Variants in EPS8L2 observed in about 807,000 individuals in gnomAD.
EPS8L2 encodes epidermal growth factor receptor kinase substrate 8-like protein 2.
Under a neutral mutation model 99.4 loss-of-function variants are expected in EPS8L2, and 81 were observed. The ratio of observed to expected loss-of-function variants is 0.82; its 90% CI spans 0.68 to 0.98. The LOEUF is 0.98. Among genes scored for constraint, EPS8L2 ranks in the 50% least tolerant of loss-of-function variants. The pLI is 0.00. For missense variants in EPS8L2, 1,155 were observed against 968.8 expected, an observed-to-expected ratio of 1.19 and a Z score of -2.55; for synonymous variants, 509 against 407.3, an observed-to-expected ratio of 1.25 and a Z score of -3.01.
At chr11:726,243 C>A in intron 18 of EPS8L2, 61 bp from the exon 19 acceptor site, 2 of 1,566,146 alleles carry the variant, frequency 1.3e-6, no homozygotes, top group Non-Finnish European at 1.7e-6. Flanking sequence ...GGGGGGGTCC[C>A]TGGGCCGGGG....
chr11:720,576 G>T, intron 5 of EPS8L2, 21 bp from the exon 6 acceptor site: 1 of 1,590,266 alleles, frequency 6.3e-7, no homozygotes, highest in Non-Finnish European at 8.5e-7. Flanking sequence ...TGCGAGTCGT[G>T]TCCGCGCGAT....
intron 4 of EPS8L2, among the ~76,000 whole-genome samples, chr11:715,388 A>G (rs1427414620): frequency 2.6e-5 from 4 of 152,108 alleles, no homozygotes; most frequent in Non-Finnish European, 5.9e-5. Flanking sequence ...TAAGATCTGT[A>G]GTGATGCCCC....
intron 20 of EPS8L2, 29 bp downstream of exon 20, chr11:726,780 C>CCCCTCCTGCCCCTGCG: frequency 6.3e-7 from 1 of 1,579,120 alleles, no homozygotes; most frequent in Non-Finnish European, 8.6e-7. Flanking sequence ...CGGCGCCACG[C>CCCCTCCTGCCCCTGCG]CCCTCCTGCC....
chr11:725,847 G>C lies in EPS8L2; in HGVS notation c.1680G>C (p.Gln560His). The C allele has an allele frequency of 1.3e-5, 18 of 1,387,632 alleles. No individual in the cohort carries two copies. The highest frequency in any genetic ancestry group is 1.7e-5 in the Non-Finnish European group (18 of 1,077,640). The allele number at this position is 1,387,632 out of a possible 1,614,324, so 86.0% of individuals were successfully genotyped here. ...RPEDAGAPFE[Q>H]AGQKYWGPAS... ...AGGACGCCGGCGCCCCGTTCGAGCAGGTGAGCCCGCGGGGGTCCCTGGGGT... is the reference window on the plus strand; with the variant it reads ...AGGACGCCGGCGCCCCGTTCGAGCACGTGAGCCCGCGGGGGTCCCTGGGGT... The change falls in exon 17 of 21, where the codon CAG becomes CAC. Residue 560 changes from glutamine to histidine, a missense_variant and splice_region_variant. Coordinates refer to ENST00000318562, the MANE Select transcript of EPS8L2 (RefSeq NM_022772.4).
At position 722,052 on chromosome 11, in the gene EPS8L2, G is replaced by A. The variant is rs190090183; in HGVS notation, c.985-39G>A. The A allele has an allele frequency of 1.1e-3, 1,779 of 1,607,380 alleles. 33 individuals are homozygous for A. In the East Asian group the frequency reaches 0.035, roughly 31 times the overall value. ...GTGCTGAGGGGAGGGTGGAGGCCCC[G>A]CCCCGCCCCGGCACCTGCTCACTTG... On this transcript the variant is annotated intron_variant, in intron 11 of 20. Coordinates refer to ENST00000318562, the MANE Select transcript of EPS8L2 (RefSeq NM_022772.4).
chr11:709,298 G>A (rs565591156), intron 1 of EPS8L2, 32 bp from the exon 2 acceptor site: 2 of 1,306,434 alleles, frequency 1.5e-6, no homozygotes, highest in East Asian at 5.1e-5. Context: ...CAGGCCGGAG[G>A]AAGTGTCAGC....
chr11:718,797 T>G (rs1463937886), intron 4 of EPS8L2, among the ~76,000 whole-genome samples: 1 of 151,434 alleles, frequency 6.6e-6, no homozygotes, highest in Non-Finnish European at 1.5e-5. Flanking sequence ...GCCTCCCGAG[T>G]AGCTGGGACT....
Position 726,450 on chromosome 11 carries a change from C to A in EPS8L2, c.1900C>A (p.Arg634Ser). 7 of 1,583,810 alleles carry A rather than the reference C, an allele frequency of 4.4e-6. No individual in the cohort carries two copies. The highest frequency in any genetic ancestry group is 6.0e-6 in the Non-Finnish European group (7 of 1,166,802). Residue 634 changes from arginine to serine, a missense_variant, in exon 19 of 21, where the codon CGC becomes AGC. Transcript: ENST00000318562. ...LTYESGPDEV[R>S]AWLEAKAFSP... is the part of the protein sequence containing the mutation. ...CTACGAGTCGGGTCCGGACGAGGTC[C>A]GCGCCTGGCTGGAAGCCAAGGCCTT...
chr11:715,178 C>T (rs553902212), intron 4 of EPS8L2, among the ~76,000 whole-genome samples: 1 of 151,594 alleles, frequency 6.6e-6, no homozygotes, highest in East Asian at 1.9e-4. Flanking sequence ...GGAGGCGGAG[C>T]TTGCAGTAAG....
intron 4 of EPS8L2, 90 bp from the exon 5 acceptor site, chr11:719,971 GC>G: frequency 7.4e-7 from 1 of 1,355,662 alleles, no homozygotes; most frequent in East Asian, 2.5e-5. Context: ...GTTGGCTGTG[GC>G]CCCTCAGCCC....
At position 721,149 on chromosome 11, in the gene EPS8L2, G is replaced by A. The variant is rs1204207531; in HGVS notation, c.643G>A (p.Gly215Arg). ...PAPIPFQHRG[G>R]DSPEAKNRVG... ...GCCCATCCCCTTCCAGCACCGCGGC[G>A]GGGATTCCCCGGAGGCCAAGAATCG... Residue 215 changes from glycine (G) to arginine (R), a missense_variant, in exon 8 of 21, where the codon GGG becomes AGG. Gly to Arg is a moderately radical substitution (Grantham distance 125). Coordinates refer to ENST00000318562, the MANE Select transcript of EPS8L2 (RefSeq NM_022772.4). The A allele has an allele frequency of 2.0e-6, 3 of 1,536,024 alleles. No individual in the cohort carries two copies. Among genetic ancestry groups the A allele is most frequent in the South Asian group, 1.2e-5 (1 of 83,664 alleles).
intron 1 of EPS8L2, chr11:709,107 T>G: frequency 3.8e-6 from 2 of 526,610 alleles, no homozygotes; most frequent in East Asian, 3.3e-5. Flanking sequence ...CTCTGGGGGG[T>G]CCCTGTGGAG....
intron 1 of EPS8L2, chr11:708,559 C>T (rs947054088): frequency 6.6e-6 from 1 of 152,292 alleles, no homozygotes; most frequent in Non-Finnish European, 1.5e-5. Context: ...CAGCCCCCAC[C>T]ACACCTGCCC....
At chr11:715,206 C>A (rs977987269) in intron 4 of EPS8L2, among the ~76,000 whole-genome samples, 4 of 151,188 alleles carry the variant, frequency 2.6e-5, no homozygotes, top group Admixed American at 1.3e-4. Flanking sequence ...TGCGCCACTG[C>A]ACTCCAGCCT....
At chr11:720,267 G>A in intron 5 of EPS8L2, 44 bp downstream of exon 5, 1 of 1,596,380 alleles carries the variant, frequency 6.3e-7, no homozygotes, top group Non-Finnish European at 8.5e-7. Flanking sequence ...AGTGGGTAGA[G>A]GCGGTGGCAG....
intron 1 of EPS8L2, 182 bp from the exon 2 acceptor site, chr11:709,148 T>C (rs1013877320): frequency 2.3e-6 from 1 of 428,274 alleles, no homozygotes; most frequent in African/African-American, 3.8e-5. Flanking sequence ...ACGAGGCTGA[T>C]CGACTGTCAA....
At chr11:725,625 G>A (rs1213254084) in intron 16 of EPS8L2, 103 bp from the exon 17 acceptor site, 3 of 1,126,924 alleles carry the variant, frequency 2.7e-6, no homozygotes, top group Admixed American at 4.2e-5. Context: ...GCGGGGCTCC[G>A]GGAGACCCTA....
chr11:721,857 G>A lies in EPS8L2; in HGVS notation c.896-46G>A, dbSNP rs199630239. ...GCGTGGGACAGAAGGCGCAGGGGCC[G>A]GGGAGATCAGGGCCAGCCTGGCTCA... is the stretch of plus-strand genomic sequence containing the variant. On this transcript the variant is annotated intron_variant, in intron 10 of 20. Transcript: ENST00000318562. The A allele has an allele frequency of 1.2e-3, 1,832 of 1,549,240 alleles. 41 individuals carry two copies. In the East Asian group the frequency reaches 0.035, roughly 30 times the overall value.
chr11:725,096 C>T (rs1211052294), intron 16 of EPS8L2, among the ~76,000 whole-genome samples: 3 of 152,230 alleles, frequency 2.0e-5, no homozygotes, highest in South Asian at 4.1e-4. Context: ...ACCACGTGGA[C>T]TCAGCGGGGG....
Sources: gnomAD v4.1 joint callset for allele counts (sites outside exome capture counted in the v4.1 genomes callset) on GRCh38, gnomAD v4.1.1 for gene constraint, MANE v1.5 for transcripts, NCBI Gene and HGNC (gene_info 2026-07-23, HGNC 2026-07-21) for gene names.